The following ZNF385B variants were observed in gnomAD, a reference collection of about 807,000 sequenced individuals.
The protein encoded by ZNF385B is zinc finger protein 533.
A neutral mutation model predicts 39.2 loss-of-function variants in ZNF385B; 23 were observed. The observed-to-expected ratio is 0.59, with a 90% CI of 0.42 to 0.83. The LOEUF is 0.83. ZNF385B is among the 40% of genes least tolerant of loss of function. ZNF385B has a pLI of 0.00. For synonymous variants in ZNF385B, 205 were observed against 222.6 expected (o/e 0.92, Z 0.70); for missense variants, 552 against 598.9 (o/e 0.92, Z 0.82).
chr2:179,838,921 A>G (rs1458866896), intron 1 of ZNF385B, among the ~76,000 whole-genome samples: 2 of 135,406 alleles, frequency 1.5e-5, no homozygotes, highest in Admixed American at 7.5e-5. Flanking sequence ...CTGTAAACCA[A>G]AAAAAAAGGG....
At chr2:179,783,275 C>A (rs999612148) in intron 1 of ZNF385B, among the ~76,000 whole-genome samples, 1 of 152,104 alleles carries the variant, frequency 6.6e-6, no homozygotes, top group Admixed American at 6.5e-5. Context: ...AACTTGCTAG[C>A]CATATGTAGA....
At chr2:179,445,830 A>T in intron 7 of ZNF385B, 102 bp from the exon 8 acceptor site, 6 of 1,156,794 alleles carry the variant, frequency 5.2e-6, no homozygotes, top group Non-Finnish European at 7.1e-6. Context: ...AAAATTCCCA[A>T]TGCTTTTTTA....
intron 3 of ZNF385B, among the ~76,000 whole-genome samples, chr2:179,559,155 A>G (rs2061153350): frequency 6.6e-6 from 1 of 152,206 alleles, no homozygotes; most frequent in Non-Finnish European, 1.5e-5. Flanking sequence ...AAATCTGTAT[A>G]AAATGAAGTA....
At chr2:179,707,598 C>A (rs1461362334) in intron 3 of ZNF385B, among the ~76,000 whole-genome samples, 1 of 152,208 alleles carries the variant, frequency 6.6e-6, no homozygotes, top group African/African-American at 2.4e-5. Flanking sequence ...TGGCACCCAA[C>A]CAATAGTATA....
chr2:179,670,063 G>A (rs372064496), intron 3 of ZNF385B, among the ~76,000 whole-genome samples: 1,569 of 151,948 alleles, frequency 0.01, 25 homozygotes, highest in African/African-American at 0.035. Context: ...AGGCCGAGGC[G>A]GGCGGATCAC....
chr2:179,491,795 C>A (rs1473232355), intron 5 of ZNF385B, among the ~76,000 whole-genome samples: 1 of 152,160 alleles, frequency 6.6e-6, no homozygotes, highest in Non-Finnish European at 1.5e-5. Flanking sequence ...GACTCCTGGG[C>A]TCACGCTGTC....
chr2:179,517,851 A>G (rs892782953), intron 5 of ZNF385B, among the ~76,000 whole-genome samples: 1 of 152,152 alleles, frequency 6.6e-6, no homozygotes, highest in African/African-American at 2.4e-5. Context: ...TTTTCTTGTT[A>G]TCTTTGTTTA....
intron 6 of ZNF385B, among the ~76,000 whole-genome samples, chr2:179,470,141 C>G (rs1412077845): frequency 6.6e-6 from 1 of 152,166 alleles, no homozygotes; most frequent in Non-Finnish European, 1.5e-5. Flanking sequence ...TTTCCCTGTT[C>G]TGTCTTTTCT....
At chr2:179,592,768 G>A (rs1045489934) in intron 3 of ZNF385B, among the ~76,000 whole-genome samples, 7 of 152,024 alleles carry the variant, frequency 4.6e-5, no homozygotes, top group African/African-American at 7.2e-5. Flanking sequence ...CTTGAAGGCC[G>A]TATGTCTAAA....
At chr2:179,619,060 A>G (rs924613497) in intron 3 of ZNF385B, among the ~76,000 whole-genome samples, 2 of 152,154 alleles carry the variant, frequency 1.3e-5, no homozygotes, top group African/African-American at 2.4e-5. Flanking sequence ...GAATTAAATG[A>G]CTCAGCCCCA....
chr2:179,556,450 G>A (rs570248471), intron 3 of ZNF385B, among the ~76,000 whole-genome samples: 6 of 149,546 alleles, frequency 4.0e-5, no homozygotes, highest in Admixed American at 1.3e-4. Context: ...AAGAAAAAAC[G>A]GTATTCTAAC....
chr2:179,685,993 C>T (rs1446261330), intron 3 of ZNF385B, among the ~76,000 whole-genome samples: 3 of 152,158 alleles, frequency 2.0e-5, no homozygotes, highest in Non-Finnish European at 4.4e-5. Context: ...GGAGTGGAGA[C>T]CACCTCCTCT....
At chr2:179,717,347 C>A (rs1019576265) in intron 3 of ZNF385B, among the ~76,000 whole-genome samples, 1 of 152,064 alleles carries the variant, frequency 6.6e-6, no homozygotes, top group African/African-American at 2.4e-5. Context: ...AAATATTTTC[C>A]CCTGCTTAAT....
rs1389138012 is a variant in ZNF385B, at chr2:179,483,388, A to G, written c.599T>C (p.Val200Ala). Residue 200 changes from valine to alanine, a missense_variant, in exon 6 of 10, where the codon GTC becomes GCC. Transcript: ENST00000410066. ...HYKGSKHAKK[V>A]KALDATKNKP... The stretch of plus-strand genomic sequence containing the variant: ...ATTTTTCGTTGCGTCTAGTGCTTTG[A>G]CCTTCTTGGCATGTTTACTTCCTTT... 7 of 1,613,892 alleles carry G rather than the reference A, an allele frequency of 4.3e-6. No individual in the cohort carries two copies. Among genetic ancestry groups the G allele is most frequent in the Non-Finnish European group, 5.9e-6 (7 of 1,179,894 alleles).
At chr2:179,843,295 A>G (rs1221359870) in intron 1 of ZNF385B, among the ~76,000 whole-genome samples, 1 of 152,204 alleles carries the variant, frequency 6.6e-6, no homozygotes, top group Non-Finnish European at 1.5e-5. Context: ...GGAAAGGGAA[A>G]AGAAGTGTAC....
At chr2:179,821,548 T>G (rs1707396511) in intron 1 of ZNF385B, among the ~76,000 whole-genome samples, 1 of 152,134 alleles carries the variant, frequency 6.6e-6, no homozygotes, top group African/African-American at 2.4e-5. Flanking sequence ...ACTTTTACTT[T>G]TGGTAAGGAC....
intron 1 of ZNF385B, among the ~76,000 whole-genome samples, chr2:179,855,385 A>G (rs1372292550): frequency 6.6e-6 from 1 of 152,168 alleles, no homozygotes; most frequent in Non-Finnish European, 1.5e-5. Context: ...CATGAATTTC[A>G]ATCTTTTTTA....
intron 3 of ZNF385B, among the ~76,000 whole-genome samples, chr2:179,599,692 A>T (rs1282498632): frequency 6.6e-6 from 1 of 152,192 alleles, no homozygotes; most frequent in African/African-American, 2.4e-5. Context: ...TCCTTAAAAC[A>T]CCAACAAGGA....
chr2:179,537,316 A>AG (rs2059632825), intron 4 of ZNF385B, among the ~76,000 whole-genome samples: 1 of 142,952 alleles, frequency 7.0e-6, no homozygotes, highest in Non-Finnish European at 1.5e-5. Context: ...AAAAAAAAAA[A>AG]TAAATAAAAA....
Sources: allele counts gnomAD v4.1 joint callset (sites outside exome capture counted in the v4.1 genomes callset), GRCh38; gene constraint gnomAD v4.1.1; transcripts MANE v1.5; gene names NCBI Gene and HGNC (gene_info 2026-07-23, HGNC 2026-07-21).